PCED1B: variants seen among roughly 807,000 people sequenced by gnomAD.
PCED1B encodes the protein PC-esterase domain containing 1B.
For synonymous variants in PCED1B, 251 were observed against 246.1 expected, an observed-to-expected ratio of 1.02 and a Z score of -0.19; for missense variants, 573 against 573.9, an observed-to-expected ratio of 1.00 and a Z score of 0.02.
chr12:47,195,992 A>G (rs1942591318), intron 2 of PCED1B, among the ~76,000 whole-genome samples: 1 of 152,162 alleles, frequency 6.6e-6, no homozygotes, highest in Admixed American at 6.5e-5. Context: ...ACCTTCCAAT[A>G]TTCTATTAGC....
chr12:47,223,325 G>A lies in PCED1B; in HGVS notation c.-58+6636G>A, dbSNP rs796491491. Among the ~76,000 whole-genome samples, 6 of 152,268 alleles carry A rather than the reference G, an allele frequency of 3.9e-5. 1 individual carries two copies. Among genetic ancestry groups the A allele is most frequent in the African/African-American group, 1.2e-4 (5 of 41,554 alleles). On this transcript the variant is annotated intron_variant, in intron 3 of 3. Coordinates refer to ENST00000546455, the MANE Select transcript of PCED1B (RefSeq NM_138371.3). Reference sequence around the variant, plus strand: ...GAAAGGAGCAACAGGGAAATCATCGGTGATTTACTAACAAACATTCCTTGG... The same window carrying A: ...GAAAGGAGCAACAGGGAAATCATCGATGATTTACTAACAAACATTCCTTGG...
chr12:47,169,237 A>C lies in PCED1B; in HGVS notation c.-525-46985A>C, dbSNP rs1941639599. On this transcript the variant is annotated intron_variant, in intron 2 of 3. Transcript: ENST00000546455. Reference sequence around the variant, plus strand: ...TAGGGCAGAGAGGGTTTGAGCTAGGATAGCAAACTGGAGGAAACTTAGCAA... The same window carrying C: ...TAGGGCAGAGAGGGTTTGAGCTAGGCTAGCAAACTGGAGGAAACTTAGCAA... Among the ~76,000 whole-genome samples the C allele has an allele frequency of 3.3e-5, 5 of 152,224 alleles. No homozygotes were observed. In the South Asian group the frequency reaches 1.0e-3, roughly 31 times the overall value.
intron 2 of PCED1B, among the ~76,000 whole-genome samples, chr12:47,156,877 C>T (rs1021553851): frequency 6.6e-6 from 1 of 152,050 alleles, no homozygotes; most frequent in African/African-American, 2.4e-5. Flanking sequence ...GTCATTTGAC[C>T]TCTCTAAGCC....
intron 2 of PCED1B, among the ~76,000 whole-genome samples, chr12:47,185,599 G>T (rs546564813): frequency 9.6e-4 from 145 of 151,650 alleles, no homozygotes; most frequent in African/African-American, 3.4e-3. Flanking sequence ...GACCAGCCTG[G>T]CCAACATGTT....
At chr12:47,112,166 T>C (rs1158407217) in intron 2 of PCED1B, among the ~76,000 whole-genome samples, 1 of 152,242 alleles carries the variant, frequency 6.6e-6, no homozygotes, top group Non-Finnish European at 1.5e-5. Flanking sequence ...TATTATTTTA[T>C]TTAACACTTG....
chr12:47,188,098 G>A (rs966292030), intron 2 of PCED1B, among the ~76,000 whole-genome samples: 2 of 152,090 alleles, frequency 1.3e-5, no homozygotes, highest in African/African-American at 4.8e-5. Flanking sequence ...ACATACCTCT[G>A]TCATGGCACC....
At chr12:47,164,349 A>C (rs78910222) in intron 2 of PCED1B, among the ~76,000 whole-genome samples, 2,755 of 152,304 alleles carry the variant, frequency 0.018, 81 homozygotes, top group African/African-American at 0.061. Context: ...CCACTCCAAA[A>C]GGGAAAAATA....
chr12:47,119,225 A>G (rs1939567772), intron 2 of PCED1B, among the ~76,000 whole-genome samples: 1 of 152,218 alleles, frequency 6.6e-6, no homozygotes, highest in African/African-American at 2.4e-5. Context: ...CCTCACACCA[A>G]ATATAAAAAT....
chr12:47,088,467 G>C (rs907106619), intron 1 of PCED1B, among the ~76,000 whole-genome samples: 1 of 152,152 alleles, frequency 6.6e-6, no homozygotes, highest in African/African-American at 2.4e-5. Flanking sequence ...CTGGGGACTC[G>C]AAGGTGGCAT....
intron 2 of PCED1B, among the ~76,000 whole-genome samples, chr12:47,140,036 G>A (rs927731118): frequency 9.2e-5 from 14 of 152,142 alleles, no homozygotes; most frequent in South Asian, 6.2e-4. Flanking sequence ...CTGCCAGGGT[G>A]ATTGAAAACT....
intron 2 of PCED1B, among the ~76,000 whole-genome samples, chr12:47,197,239 A>C (rs1183908125): frequency 5.9e-5 from 1 of 17,004 alleles, no homozygotes; most frequent in East Asian, 3.1e-3. Context: ...ACTCTGTCTC[A>C]AAAAAAAAAA....
intron 1 of PCED1B, among the ~76,000 whole-genome samples, chr12:47,090,702 C>CT (rs1383916294): frequency 6.6e-6 from 1 of 152,088 alleles, no homozygotes; most frequent in Non-Finnish European, 1.5e-5. Context: ...GGAATATATG[C>CT]TTTTTTGTGT....
At chr12:47,206,002 A>C (rs1319372822) in intron 2 of PCED1B, 1 of 152,248 alleles carries the variant, frequency 6.6e-6, no homozygotes, top group Non-Finnish European at 1.5e-5. Flanking sequence ...CCAGTGAGCC[A>C]GGAGTGCTGA....
chr12:47,145,737 T>C (rs1031347909), intron 2 of PCED1B, among the ~76,000 whole-genome samples: 1 of 152,206 alleles, frequency 6.6e-6, no homozygotes, highest in African/African-American at 2.4e-5. Flanking sequence ...TGAGACCTAT[T>C]ACTCAGAAAT....
chr12:47,160,293 C>CTTTTTTTTTTTTTTTTTTTT (rs59856338), intron 2 of PCED1B, among the ~76,000 whole-genome samples: 18 of 69,226 alleles, frequency 2.6e-4, no homozygotes, highest in African/African-American at 6.2e-4. Context: ...TTTTCTTTTT[C>CTTTTTTTTTTTTTTTTTTTT]TTTTTTTTTT....
chr12:47,172,105 C>T (rs1941762840), intron 2 of PCED1B, among the ~76,000 whole-genome samples: 2 of 152,130 alleles, frequency 1.3e-5, no homozygotes, highest in Non-Finnish European at 2.9e-5. Context: ...TTTTAACTAA[C>T]TTTGCCTCTC....
At chr12:47,209,676 C>G (rs769613234) in intron 2 of PCED1B, 2 of 152,146 alleles carry the variant, frequency 1.3e-5, no homozygotes, top group Non-Finnish European at 1.5e-5. Flanking sequence ...AATCCAGATG[C>G]CTTATCAATT....
intron 2 of PCED1B, among the ~76,000 whole-genome samples, chr12:47,176,377 A>G (rs148339572): frequency 6.6e-6 from 1 of 152,258 alleles, no homozygotes; most frequent in East Asian, 1.9e-4. Context: ...GGCAACCCTC[A>G]GTAGGTTCTT....
intron 3 of PCED1B, among the ~76,000 whole-genome samples, chr12:47,224,794 C>T (rs1490615079): frequency 2.0e-5 from 3 of 152,104 alleles, no homozygotes; most frequent in Admixed American, 6.5e-5. Context: ...CGTAGATAGA[C>T]GCAGGGCTCT....
Sources: gnomAD v4.1 joint callset for allele counts (sites outside exome capture counted in the v4.1 genomes callset) on GRCh38, gnomAD v4.1.1 for gene constraint, MANE v1.5 for transcripts, NCBI Gene and HGNC (gene_info 2026-07-23, HGNC 2026-07-21) for gene names.